Variants in SLC6A17 observed in about 807,000 individuals in gnomAD.
SLC6A17 encodes solute carrier family 6 member 17.
A neutral mutation model predicts 64.5 loss-of-function variants in SLC6A17; 21 were observed. That is an observed-to-expected ratio of 0.33 (90% CI 0.23 to 0.47). The LOEUF is 0.47. SLC6A17 is among the 20% of genes least tolerant of loss of function. SLC6A17 has a pLI of 1.00. For synonymous variants in SLC6A17, 372 were observed against 399.5 expected (o/e 0.93, Z 0.82); for missense variants, 682 against 963.2 (o/e 0.71, Z 3.86).
At position 110,198,328 on chromosome 1, in the gene SLC6A17, A is replaced by G; in HGVS notation, c.2068A>G (p.Thr690Ala). 1 of 1,613,792 alleles carries G rather than the reference A, an allele frequency of 6.2e-7. No homozygotes were observed. Among genetic ancestry groups the G allele is most frequent in the Non-Finnish European group, 8.5e-7 (1 of 1,179,910 alleles). Reference sequence around the variant, plus strand: ...CAGTGAGGCACCTTCCCCCATGCCCACTCACCGTTCCTATCTGGGGCCCGG... The same window carrying G: ...CAGTGAGGCACCTTCCCCCATGCCCGCTCACCGTTCCTATCTGGGGCCCGG... ...VPSEAPSPMP[T>A]HRSYLGPGST... is the part of the protein sequence containing the mutation. The change falls in exon 12 of 12, where the codon ACT (threonine) becomes GCT (alanine). Residue 690 changes from threonine to alanine, a missense_variant. Coordinates refer to ENST00000331565, the MANE Select transcript of SLC6A17 (RefSeq NM_001010898.4).
intron 6 of SLC6A17, among the ~76,000 whole-genome samples, chr1:110,190,499 TA>T (rs1656797043): frequency 6.6e-6 from 1 of 152,096 alleles, no homozygotes; most frequent in Non-Finnish European, 1.5e-5. Flanking sequence ...GAGACATGCC[TA>T]GGAAGCTGCT....
rs1656766006 is a variant in SLC6A17, at chr1:110,189,291, A to G, written c.865-2681A>G. ...GTCCTGATCCTCCCTGCCCAACACC[A>G]TCAACCTGTTCCTCTCCCACTGTCC... On this transcript the variant is annotated intron_variant, in intron 6 of 11. Coordinates refer to ENST00000331565, the MANE Select transcript of SLC6A17 (RefSeq NM_001010898.4). Among the ~76,000 whole-genome samples the G allele has an allele frequency of 2.0e-5, 3 of 152,264 alleles. No individual in the cohort carries two copies. In the South Asian group the frequency reaches 6.2e-4, roughly 32 times the overall value.
intron 9 of SLC6A17, 125 bp downstream of exon 9, chr1:110,194,896 A>G: frequency 8.4e-7 from 1 of 1,187,672 alleles, no homozygotes; most frequent in Non-Finnish European, 1.2e-6. Flanking sequence ...ACACTGGGAC[A>G]CAGCTGGAGC....
chr1:110,161,712 G>A (rs190712389), intron 1 of SLC6A17, among the ~76,000 whole-genome samples: 1 of 152,320 alleles, frequency 6.6e-6, no homozygotes, highest in African/African-American at 2.4e-5. Context: ...AGGCCCAGGA[G>A]GTGGGTGCTC....
rs374378971 is a variant in SLC6A17, at chr1:110,198,038, C to T, written c.1816-38C>T. The T allele has an allele frequency of 1.2e-4, 188 of 1,571,876 alleles. 2 individuals are homozygous for T. In the African/African-American group the frequency reaches 1.9e-3, roughly 16 times the overall value. ...AGGGCCTGGGCGGGGAGGGCTGTCA[C>T]AGTGCCGGCAGCAGCCCTTAAGGCA... On this transcript the variant is annotated intron_variant, in intron 11 of 11. Transcript: ENST00000331565.
chr1:110,187,641 A>C (rs1656718662), intron 6 of SLC6A17, among the ~76,000 whole-genome samples: 1 of 152,252 alleles, frequency 6.6e-6, no homozygotes, highest in South Asian at 2.1e-4. Flanking sequence ...CAAACTGCTC[A>C]GAGCCCTCCC....
At chr1:110,172,846 A>G (rs1231101916) in intron 3 of SLC6A17, among the ~76,000 whole-genome samples, 1 of 152,222 alleles carries the variant, frequency 6.6e-6, no homozygotes, top group African/African-American at 2.4e-5. Flanking sequence ...GAACCTGCTC[A>G]GAGCTCTACG....
chr1:110,177,271 A>G (rs1183581702), intron 6 of SLC6A17, among the ~76,000 whole-genome samples: 2 of 152,190 alleles, frequency 1.3e-5, no homozygotes, highest in Non-Finnish European at 2.9e-5. Context: ...TATTAAAGAT[A>G]ATAGACTACA....
At position 110,201,991 on chromosome 1, in the gene SLC6A17, T is replaced by A. The variant is rs1167475588; in HGVS notation, c.*3547T>A. On this transcript the variant is annotated 3_prime_UTR_variant, in exon 12 of 12. Transcript: ENST00000331565. The stretch of plus-strand genomic sequence containing the variant: ...CCTAGGGCCTCTTCTCATTGAAAGC[T>A]CTGCTTTATACAGACCCAAGCATAC... The A allele has an allele frequency of 6.6e-6, 1 of 152,360 alleles. No individual in the cohort carries two copies. Among genetic ancestry groups the A allele is most frequent in the Non-Finnish European group, 1.5e-5 (1 of 68,218 alleles). 9.4% of individuals were successfully genotyped at this position (152,360 alleles called of 1,614,324 possible).
chr1:110,179,338 A>C (rs2101850844), intron 6 of SLC6A17, among the ~76,000 whole-genome samples: 1 of 152,268 alleles, frequency 6.6e-6, no homozygotes, highest in South Asian at 2.1e-4. Context: ...AGTCTTATTC[A>C]ATGTTGACTA....
Position 110,198,377 on chromosome 1 carries a change from G to A in SLC6A17, c.2117G>A (p.Ser706Asn), listed in dbSNP as rs1657028896. 1 of 1,614,076 alleles carries A rather than the reference G, an allele frequency of 6.2e-7. No individual in the cohort carries two copies. The highest frequency in any genetic ancestry group is 8.5e-7 in the Non-Finnish European group (1 of 1,180,020). ...GPGSTSPLET[S>N]GNPNGRYGSG... ...GGCAGCACATCACCCCTGGAGACCAGCGGTAACCCCAATGGACGCTATGGG... is the reference window on the plus strand; with the variant it reads ...GGCAGCACATCACCCCTGGAGACCAACGGTAACCCCAATGGACGCTATGGG... Residue 706 changes from serine to asparagine, a missense_variant, in exon 12 of 12, where the codon AGC becomes AAC. By Grantham distance (46) the Ser-to-Asn change is conservative (BLOSUM62 1). Around this residue, in one of 3 missense-constraint regions of SLC6A17, gnomAD observed 264 missense variants for 339.5 expected, o/e 0.78. Coordinates refer to ENST00000331565, the MANE Select transcript of SLC6A17 (RefSeq NM_001010898.4).
In SLC6A17 at chr1:110,192,702, C is replaced by T. The variant is rs369353753; in HGVS notation, c.1299+4C>T. 22 of 1,609,370 alleles carry T rather than the reference C, an allele frequency of 1.4e-5. No homozygotes were observed. The African/African-American group carries it at 1.6e-4, about 12-fold the overall frequency. The stretch of plus-strand genomic sequence containing the variant: ...TCTGGAGGACGAGCTGGACAAGGTG[C>T]GGGGACAGGCTGCCCTTCCCAGGAC... On this transcript the variant is annotated splice_donor_region_variant and intron_variant, in intron 8 of 11. Transcript: ENST00000331565. The surrounding 1 kb of genome is among the most constrained non-coding windows in gnomAD (Gnocchi z 4.3).
chr1:110,153,368 C>T (rs1046973526), intron 1 of SLC6A17, among the ~76,000 whole-genome samples: 4 of 152,020 alleles, frequency 2.6e-5, no homozygotes, highest in Non-Finnish European at 4.4e-5. Flanking sequence ...CCTGAAGGAC[C>T]CTGGGCCCCT....
At chr1:110,181,265 T>C (rs1186605639) in intron 6 of SLC6A17, among the ~76,000 whole-genome samples, 1 of 152,240 alleles carries the variant, frequency 6.6e-6, no homozygotes, top group African/African-American at 2.4e-5. Context: ...TTTATCAAAA[T>C]TACAACTGTT....
At chr1:110,180,155 A>C (rs543183800) in intron 6 of SLC6A17, among the ~76,000 whole-genome samples, 3 of 152,370 alleles carry the variant, frequency 2.0e-5, no homozygotes. Context: ...GGCAAGAAGC[A>C]GAGGCAAACC....
In SLC6A17 at chr1:110,194,808, G is replaced by GA. The variant is rs1557841774; in HGVS notation, c.1492+37_1492+38insA. On this transcript the variant is annotated intron_variant, in intron 9 of 11. Transcript: ENST00000331565. ...CTGCCCCCATGCCCAGGCTCTGCAG[G>GA]CTGCCCTTGTGGACAACAATTCCGT... The GA allele has an allele frequency of 1.9e-6, 3 of 1,605,450 alleles. No homozygotes were observed. In the Admixed American group the frequency reaches 5.0e-5, roughly 27 times the overall value.
chr1:110,172,419 G>C, intron 3 of SLC6A17: 1 of 653,390 alleles, frequency 1.5e-6, no homozygotes. Context: ...CGACCACGTT[G>C]CCTGAAACAG....
In SLC6A17 at chr1:110,199,951, AGATG is replaced by A. The variant is rs1343562163; in HGVS notation, c.*1522_*1525del. 18 of 325,888 alleles carry A rather than the reference AGATG, an allele frequency of 5.5e-5. No individual in the cohort carries two copies. Among genetic ancestry groups the A allele is most frequent in the African/African-American group, 2.9e-4 (12 of 41,726 alleles). 20.2% of individuals were successfully genotyped at this position (325,888 alleles called of 1,614,324 possible). ...GGTTGGGGGGTGGGGGTGGATGGAT[AGATG>A]GATGGATGGATGGACGGATGGGGTG... On this transcript the variant is annotated 3_prime_UTR_variant, in exon 12 of 12. Transcript: ENST00000331565.
At chr1:110,157,859 C>T (rs1464826489) in intron 1 of SLC6A17, among the ~76,000 whole-genome samples, 2 of 152,118 alleles carry the variant, frequency 1.3e-5, no homozygotes, top group East Asian at 1.9e-4. Flanking sequence ...CTTTCTGTTC[C>T]CTCTGCTCTG....
Sources: gnomAD v4.1 joint callset for allele counts (sites outside exome capture counted in the v4.1 genomes callset) on GRCh38, gnomAD v4.1.1 for gene constraint, gnomAD v4.1.1 regional missense constraint, Gnocchi (gnomAD v3.1) non-coding constraint, MANE v1.5 for transcripts, NCBI Gene and HGNC (gene_info 2026-07-23, HGNC 2026-07-21) for gene names.